NUP210L: variants seen among roughly 807,000 people sequenced by gnomAD.
NUP210L encodes the protein nuclear pore membrane glycoprotein 210-like.
Under a neutral mutation model 208.5 loss-of-function variants are expected in NUP210L, and 74 were observed. The ratio of observed to expected loss-of-function variants is 0.35; its 90% CI spans 0.29 to 0.43. The LOEUF (loss-of-function observed/expected upper bound fraction) is 0.43. Among genes scored for constraint, NUP210L ranks in the 20% least tolerant of loss-of-function variants. The pLI, the probability that NUP210L is intolerant of heterozygous loss-of-function variation, is 1.00. For missense variants in NUP210L, 1,843 were observed against 2,289.4 expected, an observed-to-expected ratio of 0.81 and a Z score of 3.98; for synonymous variants, 780 against 816.9, an observed-to-expected ratio of 0.95 and a Z score of 0.77.
At chr1:154,106,248 A>G (rs1382958720) in intron 12 of NUP210L, among the ~76,000 whole-genome samples, 1 of 152,030 alleles carries the variant, frequency 6.6e-6, no homozygotes, top group Non-Finnish European at 1.5e-5. Flanking sequence ...GTGACAGAGT[A>G]AGACTCCATT....
At chr1:154,144,043 G>A (rs1190122023) in intron 2 of NUP210L, among the ~76,000 whole-genome samples, 1 of 152,050 alleles carries the variant, frequency 6.6e-6, no homozygotes, top group Non-Finnish European at 1.5e-5. Context: ...TTATCCTGGA[G>A]TGGTGGCGGG....
chr1:154,054,467 C>G, intron 24 of NUP210L, 60 bp from the exon 25 acceptor site: 5 of 1,546,428 alleles, frequency 3.2e-6, no homozygotes, highest in Middle Eastern at 1.7e-4. Context: ...TGTCTCTTTT[C>G]CCAACATTTT....
rs563871360 is a variant in NUP210L at position 154,139,791 on chromosome 1, A to C, written c.717+11T>G. The C allele has an allele frequency of 6.2e-7, 1 of 1,609,168 alleles. No homozygotes were observed. Among genetic ancestry groups the C allele is most frequent in the East Asian group, 2.2e-5 (1 of 44,836 alleles). ...CAAGTAAGGAAAATTTATAGCACAC[A>C]AACTTTTTACCTTATAGAATGGTTC... On this transcript the variant is annotated intron_variant, in intron 5 of 39. Transcript: ENST00000368559.
At chr1:154,058,056 A>C (rs1653962230) in intron 22 of NUP210L, 33 bp downstream of exon 22, 4 of 1,612,546 alleles carry the variant, frequency 2.5e-6, no homozygotes, top group Admixed American at 1.7e-5. Context: ...TATGATATGC[A>C]GAGTGGGAAG....
chr1:154,140,137 G>A (rs971350430), intron 4 of NUP210L, among the ~76,000 whole-genome samples, 185 bp from the exon 5 acceptor site: 25 of 151,928 alleles, frequency 1.6e-4, no homozygotes, highest in African/African-American at 5.8e-4. Context: ...CATCACTTGA[G>A]GTCAGGAATT....
At chr1:154,116,452 G>T (rs1354322321) in intron 12 of NUP210L, among the ~76,000 whole-genome samples, 3 of 151,426 alleles carry the variant, frequency 2.0e-5, no homozygotes, top group Admixed American at 6.6e-5. Context: ...AATGGGGCTG[G>T]GTACAGTGGC....
At chr1:154,033,447 T>C (rs1238029338) in intron 27 of NUP210L, among the ~76,000 whole-genome samples, 5 of 152,170 alleles carry the variant, frequency 3.3e-5, no homozygotes, top group African/African-American at 1.2e-4. Context: ...TGGGGTGTAG[T>C]TTCATTCTTC....
intron 23 of NUP210L, among the ~76,000 whole-genome samples, chr1:154,055,193 C>CTTTCTTTCTT (rs1653795983): frequency 1.9e-5 from 2 of 105,914 alleles, no homozygotes; most frequent in Non-Finnish European, 4.1e-5. Flanking sequence ...CTTTCTTTTT[C>CTTTCTTTCTT]TTTCTTTCTT....
rs898138882 is a variant in NUP210L, at chr1:154,126,555, T to C, written c.1186-92A>G. 15 of 1,102,954 alleles carry C rather than the reference T, an allele frequency of 1.4e-5. No individual in the cohort carries two copies. The African/African-American group carries it at 2.1e-4, about 15-fold the overall frequency. 68.3% of individuals were successfully genotyped at this position (1,102,954 alleles called of 1,614,324 possible). On this transcript the variant is annotated intron_variant, in intron 9 of 39. Transcript: ENST00000368559. ...CAAAGCATCTATAAAACTGTAGCTATGCATTCATGGAATAAAGAGATAAAA... is the reference window on the plus strand; with the variant it reads ...CAAAGCATCTATAAAACTGTAGCTACGCATTCATGGAATAAAGAGATAAAA...
Position 154,113,857 on chromosome 1 carries a change from C to CA in NUP210L, c.1620+3867dup, listed in dbSNP as rs11298820. The stretch of plus-strand genomic sequence containing the variant: ...TGGACAACAGAGCAAGACTCCATCT[C>CA]AAAAAAAAAAAAAAAAAAAAAAGCC... On this transcript the variant is annotated intron_variant, in intron 12 of 39. Transcript: ENST00000368559. Among the ~76,000 whole-genome samples, 63 of 40,652 alleles carry CA rather than the reference C, an allele frequency of 1.5e-3. 1 individual carries two copies. Among genetic ancestry groups the CA allele is most frequent in the East Asian group, 2.5e-3 (4 of 1,584 alleles). 26.7% of individuals were successfully genotyped at this position (40,652 alleles called of 152,430 possible).
chr1:154,021,375 T>A (rs1651552525), intron 32 of NUP210L, among the ~76,000 whole-genome samples: 1 of 152,010 alleles, frequency 6.6e-6, no homozygotes, highest in South Asian at 2.1e-4. Flanking sequence ...TAGTCCCAGC[T>A]ACTTGGGAGG....
At chr1:154,063,455 G>C (rs1360182501) in intron 17 of NUP210L, among the ~76,000 whole-genome samples, 1 of 152,194 alleles carries the variant, frequency 6.6e-6, no homozygotes, top group Non-Finnish European at 1.5e-5. Flanking sequence ...AACCAAAGAA[G>C]TAAACAGGGT....
chr1:154,111,960 C>T (rs1486254941), intron 12 of NUP210L, among the ~76,000 whole-genome samples: 2 of 151,426 alleles, frequency 1.3e-5, no homozygotes, highest in Non-Finnish European at 2.9e-5. Flanking sequence ...TGGAGTCTCA[C>T]TCTGTTGCCC....
chr1:154,058,256 C>A, intron 21 of NUP210L, 40 bp from the exon 22 acceptor site: 2 of 1,608,056 alleles, frequency 1.2e-6, no homozygotes, highest in South Asian at 2.2e-5. Flanking sequence ...AAAGGTGTCT[C>A]ATTCACCAAT....
At chr1:154,027,679 G>A (rs891304726) in intron 28 of NUP210L, 82 bp from the exon 29 acceptor site, 24 of 826,314 alleles carry the variant, frequency 2.9e-5, no homozygotes, top group South Asian at 3.2e-5. Context: ...GTATAATCCC[G>A]AAGAGATTAC....
intron 10 of NUP210L, 93 bp downstream of exon 10, chr1:154,126,230 G>C (rs1373628231): frequency 9.9e-7 from 1 of 1,005,766 alleles, no homozygotes; most frequent in Non-Finnish European, 1.5e-6. Context: ...AAAGATAAAG[G>C]TGGTATATGC....
chr1:154,060,734 G>T, intron 19 of NUP210L, 93 bp from the exon 20 acceptor site: 1 of 894,028 alleles, frequency 1.1e-6, no homozygotes, highest in Non-Finnish European at 1.8e-6. Context: ...AAGAATATGG[G>T]ATAAAAAGAT....
At chr1:154,083,765 T>A (rs1314296892) in intron 16 of NUP210L, among the ~76,000 whole-genome samples, 2 of 151,938 alleles carry the variant, frequency 1.3e-5, no homozygotes, top group Non-Finnish European at 1.5e-5. Context: ...AAAAACACAG[T>A]TTGAGAGTTT....
chr1:154,108,526 TA>T (rs1402901609), intron 12 of NUP210L, among the ~76,000 whole-genome samples: 23 of 149,102 alleles, frequency 1.5e-4, no homozygotes, highest in Admixed American at 6.6e-5. Context: ...CAATCAGTGT[TA>T]AGACGTCATC....
Sources: gnomAD v4.1 joint callset for allele counts (sites outside exome capture counted in the v4.1 genomes callset) on GRCh38, gnomAD v4.1.1 for gene constraint, MANE v1.5 for transcripts, NCBI Gene and HGNC (gene_info 2026-07-23, HGNC 2026-07-21) for gene names.